GLIS3: variants seen among roughly 807,000 people sequenced by gnomAD.
The protein encoded by GLIS3 is GLIS family zinc finger 3.
In GLIS3, 53 loss-of-function variants were observed where a neutral mutation model predicts 78.6. That is an observed-to-expected ratio of 0.67 (90% CI 0.54 to 0.85). The LOEUF (loss-of-function observed/expected upper bound fraction) is 0.85. GLIS3 is among the 40% of genes least tolerant of loss of function. GLIS3 has a pLI of 0.00. For missense variants in GLIS3, 1,703 were observed against 1,231.1 expected, an observed-to-expected ratio of 1.38 and a Z score of -5.74; for synonymous variants, 684 against 509.9, an observed-to-expected ratio of 1.34 and a Z score of -4.60.
At chr9:3,979,947 G>C (rs777421225) in intron 4 of GLIS3, among the ~76,000 whole-genome samples, 1 of 152,138 alleles carries the variant, frequency 6.6e-6, no homozygotes, top group Non-Finnish European at 1.5e-5. Context: ...CGTAAGGAAC[G>C]GCAGATAACG....
At chr9:4,277,121 T>C (rs1213709460) in intron 2 of GLIS3, among the ~76,000 whole-genome samples, 1 of 152,248 alleles carries the variant, frequency 6.6e-6, no homozygotes, top group Non-Finnish European at 1.5e-5. Flanking sequence ...ATCTCCACTA[T>C]TATCCCAGTT....
intron 2 of GLIS3, among the ~76,000 whole-genome samples, chr9:4,138,119 T>C (rs1833537737): frequency 1.3e-5 from 2 of 152,224 alleles, no homozygotes; most frequent in Admixed American, 6.5e-5. Flanking sequence ...TCTAATTTAA[T>C]AGGCTTAGAT....
At chr9:3,903,016 G>T (rs1195629863) in intron 6 of GLIS3, among the ~76,000 whole-genome samples, 2 of 152,182 alleles carry the variant, frequency 1.3e-5, no homozygotes, top group East Asian at 1.9e-4. Flanking sequence ...GGGAAGGTAA[G>T]TTCCAACTTA....
At chr9:4,130,892 G>A (rs1802568238) in intron 2 of GLIS3, among the ~76,000 whole-genome samples, 1 of 152,214 alleles carries the variant, frequency 6.6e-6, no homozygotes, top group Non-Finnish European at 1.5e-5. Flanking sequence ...AAAAGCCACA[G>A]GTACTCAATG....
chr9:4,214,582 C>T (rs73400416), intron 2 of GLIS3, among the ~76,000 whole-genome samples: 3,398 of 152,222 alleles, frequency 0.022, 131 homozygotes, highest in African/African-American at 0.078. Flanking sequence ...ACATAAAATA[C>T]GAAAGACAAT....
At chr9:4,301,133 G>C (rs1040967853), upstream of GLIS3, among the ~76,000 whole-genome samples, 2 of 151,864 alleles carry the variant, frequency 1.3e-5, no homozygotes, top group East Asian at 3.8e-4. Flanking sequence ...ACTAGGCTTG[G>C]TCTGTATCCA....
intron 2 of GLIS3, among the ~76,000 whole-genome samples, chr9:4,260,047 G>C (rs1450076980): frequency 6.6e-6 from 1 of 151,930 alleles, no homozygotes; most frequent in East Asian, 1.9e-4. Context: ...AGAATTAGGT[G>C]GTTCTATAGA....
chr9:4,401,021 G>A, the GLIS3 span, among the ~76,000 whole-genome samples: 1 of 152,176 alleles, frequency 6.6e-6, no homozygotes, highest in African/African-American at 2.4e-5. Flanking sequence ...TCTTCTGTTT[G>A]AGAAAAGCAG....
chr9:4,173,025 A>AAC (rs1375390291), intron 2 of GLIS3, among the ~76,000 whole-genome samples: 1 of 152,102 alleles, frequency 6.6e-6, no homozygotes, highest in Non-Finnish European at 1.5e-5. Context: ...TTATTTTTTT[A>AAC]ACACTATGTG....
At chr9:4,367,300 G>A in the GLIS3 span, among the ~76,000 whole-genome samples, 1 of 152,080 alleles carries the variant, frequency 6.6e-6, no homozygotes, top group East Asian at 1.9e-4. Flanking sequence ...CTTGATTGCT[G>A]CCCCTGTTTG....
intron 2 of GLIS3, among the ~76,000 whole-genome samples, chr9:4,270,108 T>A (rs1826369239): frequency 6.6e-6 from 1 of 152,198 alleles, no homozygotes; most frequent in Non-Finnish European, 1.5e-5. Context: ...ACAATTTCAC[T>A]TCTCTGAATA....
intron 4 of GLIS3, among the ~76,000 whole-genome samples, chr9:4,092,898 A>C (rs1358403650): frequency 6.6e-6 from 1 of 152,240 alleles, no homozygotes; most frequent in African/African-American, 2.4e-5. Flanking sequence ...CTTTATTTTT[A>C]TACAACTGGC....
the GLIS3 span, among the ~76,000 whole-genome samples, chr9:4,423,644 G>A: frequency 2.6e-5 from 4 of 152,108 alleles, no homozygotes; most frequent in Non-Finnish European, 1.5e-5. Flanking sequence ...ATATCACAAG[G>A]TCACAGAACG....
chr9:4,196,855 C>T (rs774743703), intron 2 of GLIS3, among the ~76,000 whole-genome samples: 2 of 152,188 alleles, frequency 1.3e-5, no homozygotes, highest in African/African-American at 4.8e-5. Flanking sequence ...AGCTTGGCAA[C>T]CTGGAACCAA....
intron 4 of GLIS3, among the ~76,000 whole-genome samples, chr9:4,024,463 G>C (rs1166382541): frequency 1.3e-5 from 2 of 152,204 alleles, no homozygotes; most frequent in Admixed American, 6.5e-5. Flanking sequence ...CAAGGTAGCA[G>C]ACACAGATGG....
chr9:4,258,128 A>G (rs1042577645), intron 2 of GLIS3, among the ~76,000 whole-genome samples: 3 of 152,018 alleles, frequency 2.0e-5, no homozygotes, highest in African/African-American at 7.2e-5. Flanking sequence ...TATTCTTTCT[A>G]TTTTCAGTAC....
At chr9:3,890,203 T>C (rs569951443) in intron 7 of GLIS3, among the ~76,000 whole-genome samples, 1 of 152,276 alleles carries the variant, frequency 6.6e-6, no homozygotes, top group African/African-American at 2.4e-5. Context: ...TTAAATTCAG[T>C]TTACAAGCAG....
chr9:3,856,994 T>C (rs932343871), intron 8 of GLIS3, among the ~76,000 whole-genome samples: 1 of 152,248 alleles, frequency 6.6e-6, no homozygotes, highest in African/African-American at 2.4e-5. Flanking sequence ...CCTGACTCAC[T>C]ATGTTTAAAA....
intron 2 of GLIS3, among the ~76,000 whole-genome samples, chr9:4,284,046 G>C (rs1827779971): frequency 6.6e-6 from 1 of 152,194 alleles, no homozygotes; most frequent in South Asian, 2.1e-4. Context: ...GAATTCACTA[G>C]CACCTGAGGT....
Sources: gnomAD v4.1 joint callset for allele counts (sites outside exome capture counted in the v4.1 genomes callset) on GRCh38, gnomAD v4.1.1 for gene constraint, MANE v1.5 for transcripts, NCBI Gene and HGNC (gene_info 2026-07-23, HGNC 2026-07-21) for gene names.